Variants in ZNF813 observed in about 807,000 individuals in gnomAD.
The protein encoded by ZNF813 is zinc finger protein 813.
ZNF813 carries 3 observed loss-of-function variants against 7.2 expected under a neutral mutation model. The ratio of observed to expected loss-of-function variants is 0.42; its 90% CI spans 0.19 to 1.08. The LOEUF (loss-of-function observed/expected upper bound fraction) is 1.08, where lower values mean the gene tolerates loss of function less well. Ranked by LOEUF, ZNF813 falls within the 50% of genes least tolerant of loss-of-function variation. The probability of loss-of-function intolerance (pLI) is 0.30; values close to 1 mark genes in which losing one functional copy is unlikely to be tolerated. For synonymous variants in ZNF813, 227 were observed against 256.3 expected (o/e 0.89, Z 1.09); for missense variants, 714 against 753.3 (o/e 0.95, Z 0.61).
rs1334200730 is a variant in ZNF813, at chr19:53,490,984, T to C, written c.752T>C (p.Val251Ala). The change falls in exon 4 of 4, where the codon GTC becomes GCC. Residue 251 changes from valine (V) to alanine (A), a missense_variant. Physicochemically the swap from Val to Ala is moderately conservative, Grantham distance 64 (BLOSUM62 0). This residue lies in a region of ZNF813 where 563 missense variants were observed against 554.2 expected (regional missense o/e 1.02). Coordinates refer to ENST00000396403, the MANE Select transcript of ZNF813 (RefSeq NM_001004301.4). ...TATAAATGTGATGTATGTGGCAAGG[T>C]CTTTAATCGGAAGCGAAACCTAGTG... is the stretch of plus-strand genomic sequence containing the variant. ...KQYKCDVCGK[V>A]FNRKRNLVCH... 6.2e-7 allele frequency: 1 copy of C among 1,614,128 alleles called. No homozygotes were observed. Among genetic ancestry groups the C allele is most frequent in the Non-Finnish European group, 8.5e-7 (1 of 1,180,008 alleles).
chr19:53,492,100 C>A lies in ZNF813; in HGVS notation c.*14C>A, dbSNP rs1196288659. 1.2e-6 allele frequency: 2 copies of A among 1,603,116 alleles called. No homozygotes were observed. The highest frequency in any genetic ancestry group is 4.5e-5 in the East Asian group (2 of 44,524). ...GCTTTTAATTGAAAAGCAAAGCTTG[C>A]ACATCATCATACAATTCATACTGGA... On this transcript the variant is annotated 3_prime_UTR_variant, in exon 4 of 4. Coordinates refer to ENST00000396403, the MANE Select transcript of ZNF813 (RefSeq NM_001004301.4).
At chr19:53,468,052 T>G (rs1294376773) in intron 1 of ZNF813, among the ~76,000 whole-genome samples, 1 of 152,190 alleles carries the variant, frequency 6.6e-6, no homozygotes, top group Non-Finnish European at 1.5e-5. Context: ...TAAACCTTTC[T>G]CTGACTCCTC....
At chr19:53,476,313 T>C (rs1374341070) in intron 1 of ZNF813, among the ~76,000 whole-genome samples, 1 of 152,068 alleles carries the variant, frequency 6.6e-6, no homozygotes, top group Admixed American at 6.5e-5. Context: ...AGCCATGAGG[T>C]CTGAAGCCAA....
intron 2 of ZNF813, 138 bp from the exon 3 acceptor site, chr19:53,486,494 G>A (rs2086434653): frequency 1.3e-6 from 2 of 1,551,638 alleles, no homozygotes; most frequent in African/African-American, 1.4e-5. Context: ...ACAAAATGTG[G>A]TGAAGAACCC....
chr19:53,469,131 A>G (rs969432848), intron 1 of ZNF813, among the ~76,000 whole-genome samples: 2 of 152,236 alleles, frequency 1.3e-5, no homozygotes, highest in African/African-American at 4.8e-5. Context: ...CACACCCTGC[A>G]CAGCCCTAAA....
rs1223857626 is a variant in ZNF813 at position 53,476,903 on chromosome 19, C to T, written c.-73-6847C>T. On this transcript the variant is annotated intron_variant, in intron 1 of 3. Coordinates refer to ENST00000396403, the MANE Select transcript of ZNF813 (RefSeq NM_001004301.4). ...GGTCTCGATCTCCTGACCTCGTGAT[C>T]CACCCGCCTTGGCCTCCCAAAGTGC... is the stretch of plus-strand genomic sequence containing the variant. Among the ~76,000 whole-genome samples, 9 of 152,152 alleles carry T rather than the reference C, an allele frequency of 5.9e-5. No homozygotes were observed. In the East Asian group the frequency reaches 1.6e-3, roughly 26 times the overall value.
intron 1 of ZNF813, among the ~76,000 whole-genome samples, chr19:53,470,511 T>C (rs1270123318): frequency 1.5e-5 from 2 of 132,010 alleles, no homozygotes; most frequent in Non-Finnish European, 3.3e-5. Flanking sequence ...AGCTATTAGC[T>C]GAGTGGTAGT....
intron 2 of ZNF813, among the ~76,000 whole-genome samples, chr19:53,485,145 C>A (rs1473198689): frequency 6.6e-6 from 1 of 151,812 alleles, no homozygotes; most frequent in Non-Finnish European, 1.5e-5. Flanking sequence ...TACTTTTTTG[C>A]AAAAATTAGC....
Position 53,492,064 on chromosome 19 carries a change from A to G in ZNF813, c.1832A>G (p.Glu611Gly), listed in dbSNP as rs765413864. 6.2e-7 allele frequency: 1 copy of G among 1,612,918 alleles called. No individual in the cohort carries two copies. Among genetic ancestry groups the G allele is most frequent in the African/African-American group, 1.3e-5 (1 of 74,972 alleles). The change falls in exon 4 of 4, where the codon GAG becomes GGG. Residue 611 changes from glutamate to glycine, a missense_variant. Glu to Gly is a moderately conservative substitution (Grantham distance 98). This residue lies in a region of ZNF813 where 122 missense variants were observed against 146.8 expected (regional missense o/e 0.83). Transcript: ENST00000396403. ...GGAGAGAAACCTTACAAGTTTAATG[A>G]GTGTGGCAAAGCTTTTAATTGAAAA... ...HTGEKPYKFN[E>G]CGKAFN
intron 1 of ZNF813, among the ~76,000 whole-genome samples, chr19:53,477,188 T>C (rs1218171346): frequency 6.6e-6 from 1 of 152,228 alleles, no homozygotes; most frequent in Non-Finnish European, 1.5e-5. Context: ...GTTTACAACA[T>C]GCAAATCTTG....
At chr19:53,477,685 A>C (rs1395886852) in intron 1 of ZNF813, among the ~76,000 whole-genome samples, 1 of 151,926 alleles carries the variant, frequency 6.6e-6, no homozygotes. Flanking sequence ...ACCAGATGTG[A>C]TGGTGCACAC....
Position 53,491,193 on chromosome 19 carries a change from C to A in ZNF813, c.961C>A (p.His321Asn), listed in dbSNP as rs747324916. ...AAACCTTAAAAGACATAGGAGAATT[C>A]ATGCTGGAGAAAAACCATACAAGTG... Reference protein sequence around the residue: ...KSNLKRHRRIHAGEKPYKCNE... With the variant: ...KSNLKRHRRINAGEKPYKCNE... Residue 321 changes from histidine to asparagine, a missense_variant, in exon 4 of 4, where the codon CAT (histidine) becomes AAT (asparagine). By Grantham distance (68) the His-to-Asn change is moderately conservative (BLOSUM62 1). This residue lies in a region of ZNF813 where 563 missense variants were observed against 554.2 expected (regional missense o/e 1.02). Transcript: ENST00000396403. 6.2e-7 allele frequency: 1 copy of A among 1,613,828 alleles called. No individual in the cohort carries two copies. Among genetic ancestry groups the A allele is most frequent in the Non-Finnish European group, 8.5e-7 (1 of 1,179,778 alleles).
intron 1 of ZNF813, chr19:53,479,394 G>T: frequency 6.3e-7 from 1 of 1,590,438 alleles, no homozygotes; most frequent in Non-Finnish European, 8.5e-7. Flanking sequence ...GCAAGATCCA[G>T]GTTCTGCAGC....
intron 1 of ZNF813, among the ~76,000 whole-genome samples, chr19:53,476,696 G>A (rs184253261): frequency 9.8e-4 from 149 of 151,694 alleles, no homozygotes; most frequent in African/African-American, 3.4e-3. Context: ...CTCTGTCGCC[G>A]ACGCTTAAGT....
chr19:53,479,585 C>T (rs562887811), intron 1 of ZNF813: 220 of 1,192,918 alleles, frequency 1.8e-4, no homozygotes, highest in African/African-American at 1.6e-3. Context: ...CTGGAAGAAG[C>T]GGGAAAAGCT....
rs374551469 is a variant in ZNF813, at chr19:53,491,293, C to T, written c.1061C>T (p.Pro354Leu). Residue 354 changes from proline (P) to leucine (L), a missense_variant, in exon 4 of 4, where the codon CCT (proline) becomes CTT (leucine). By Grantham distance (98) the Pro-to-Leu change is moderately conservative (BLOSUM62 -3). Transcript: ENST00000396403. ...CHRRLHTGEKPFKCNECGKTF... is the reference protein window; with the variant it reads ...CHRRLHTGEKLFKCNECGKTF... Reference sequence around the variant, plus strand: ...CGTAGACTTCATACTGGAGAGAAACCTTTCAAGTGTAATGAGTGTGGCAAG... The same window carrying T: ...CGTAGACTTCATACTGGAGAGAAACTTTTCAAGTGTAATGAGTGTGGCAAG... The T allele has an allele frequency of 1.2e-6, 2 of 1,614,034 alleles. No individual in the cohort carries two copies. The highest frequency in any genetic ancestry group is 2.7e-5 in the African/African-American group (2 of 74,922).
At chr19:53,485,609 G>A (rs2617677) in intron 2 of ZNF813, among the ~76,000 whole-genome samples, 115,659 of 151,538 alleles carry the variant, frequency 0.76, 44,269 homozygotes, top group African/African-American at 0.84. Flanking sequence ...GATATATATC[G>A]TGATATATAC....
chr19:53,492,411 G>T lies in ZNF813; in HGVS notation c.*325G>T. The stretch of plus-strand genomic sequence containing the variant: ...AATATCACAGAGTTTTCAGTCACAA[G>T]TCAAACCTTGAAAGACATAAAATAA... On this transcript the variant is annotated 3_prime_UTR_variant, in exon 4 of 4. Transcript: ENST00000396403. 2.2e-6 allele frequency: 1 copy of T among 460,044 alleles called. No individual in the cohort carries two copies. The highest frequency in any genetic ancestry group is 4.1e-6 in the Non-Finnish European group (1 of 246,596). The allele number at this position is 460,044 out of a possible 1,614,324, so 28.5% of individuals were successfully genotyped here.
In ZNF813 at chr19:53,492,351, AATTC is replaced by A; in HGVS notation, c.*268_*271del. On this transcript the variant is annotated 3_prime_UTR_variant, in exon 4 of 4. Coordinates refer to ENST00000396403, the MANE Select transcript of ZNF813 (RefSeq NM_001004301.4). ...CAAATCGAGCCTCAAAAGACAGGAG[AATTC>A]ATACTGGAGAGAAAGCTTACAAAGG... 1.7e-6 allele frequency: 1 copy of A among 593,082 alleles called. No homozygotes were observed. The allele number at this position is 593,082 out of a possible 1,614,324, so 36.7% of individuals were successfully genotyped here.
Sources: allele counts gnomAD v4.1 joint callset (sites outside exome capture counted in the v4.1 genomes callset), GRCh38; gene constraint gnomAD v4.1.1; regional missense constraint gnomAD v4.1.1; transcripts MANE v1.5; gene names NCBI Gene and HGNC (gene_info 2026-07-23, HGNC 2026-07-21).